The following PRMT2 variants were observed in gnomAD, a reference collection of about 807,000 sequenced individuals.
PRMT2 encodes protein arginine N-methyltransferase 2.
PRMT2 carries 26 observed loss-of-function variants against 57.6 expected under a neutral mutation model. The ratio of observed to expected loss-of-function variants is 0.45; its 90% confidence interval spans 0.33 to 0.63. PRMT2 has a LOEUF of 0.63. Among genes scored for constraint, PRMT2 ranks in the 20% least tolerant of loss-of-function variants. PRMT2 has a pLI of 0.02. For synonymous variants in PRMT2, 219 were observed against 220.0 expected (o/e 1.00, Z 0.04); for missense variants, 472 against 564.4 (o/e 0.84, Z 1.66).
intron 7 of PRMT2, chr21:46,653,490 C>T (rs2061492314): frequency 7.9e-6 from 8 of 1,010,498 alleles, no homozygotes; most frequent in Admixed American, 5.8e-5. Flanking sequence ...AGCGTAAACA[C>T]GGGCACTTTC....
At chr21:46,659,911 G>T (rs564957714) in intron 8 of PRMT2, 1 of 985,438 alleles carries the variant, frequency 1.0e-6, no homozygotes, top group African/African-American at 1.7e-5. Context: ...GTAAAGCTTG[G>T]CAGAATAAAC....
chr21:46,658,695 A>G (rs1414671218), intron 7 of PRMT2, 50 bp from the exon 8 acceptor site: 5 of 1,594,014 alleles, frequency 3.1e-6, no homozygotes, highest in Non-Finnish European at 4.3e-6. Context: ...AGGCCTGTGC[A>G]GCCGCGGGGC....
chr21:46,664,257 T>A, intron 11 of PRMT2, 38 bp from the exon 12 acceptor site: 1 of 1,456,380 alleles, frequency 6.9e-7, no homozygotes, highest in Non-Finnish European at 9.6e-7. Context: ...TCAAATGATT[T>A]ATCATCTGAT....
chr21:46,642,453 T>C (rs970294899), intron 3 of PRMT2, among the ~76,000 whole-genome samples: 2 of 152,378 alleles, frequency 1.3e-5, no homozygotes, highest in South Asian at 2.1e-4. Flanking sequence ...TTTGTACTTA[T>C]GTTACGTGTC....
At chr21:46,659,254 T>G (rs1223294907) in intron 8 of PRMT2, 5 of 1,049,142 alleles carry the variant, frequency 4.8e-6, no homozygotes, top group Non-Finnish European at 5.7e-6. Flanking sequence ...CGTGAAAACT[T>G]AATTCTGCAT....
chr21:46,643,361 G>C (rs180768520), intron 3 of PRMT2, 174 bp from the exon 4 acceptor site: 2 of 1,183,556 alleles, frequency 1.7e-6, no homozygotes, highest in Non-Finnish European at 2.1e-6. Flanking sequence ...GAAATGTAGA[G>C]TGAAGGTGAC....
At chr21:46,653,695 G>C in intron 7 of PRMT2, 2 of 1,257,048 alleles carry the variant, frequency 1.6e-6, no homozygotes, top group Non-Finnish European at 1.0e-6. Flanking sequence ...TTTCAGAGGT[G>C]CTAGTTCTGG....
intron 8 of PRMT2, 34 bp downstream of exon 8, chr21:46,658,954 G>C (rs1007198561): frequency 1.3e-6 from 2 of 1,594,740 alleles, no homozygotes; most frequent in Admixed American, 1.7e-5. Context: ...GCACCGTCTT[G>C]TGGGGCCTCC....
intron 7 of PRMT2, chr21:46,657,002 T>C (rs1374594909): frequency 6.6e-6 from 1 of 152,128 alleles, no homozygotes; most frequent in Non-Finnish European, 1.5e-5. Flanking sequence ...GCAAAATACT[T>C]GAACAGACAC....
chr21:46,652,863 T>G (rs1310582831), intron 7 of PRMT2: 1 of 1,300,448 alleles, frequency 7.7e-7, no homozygotes. Context: ...GGATCTTGCT[T>G]GTTCTCCTGA....
rs1403895345 is a variant in PRMT2 at position 46,651,663 on chromosome 21, G to A, written c.654+1924G>A. 3 of 906,422 alleles carry A rather than the reference G, an allele frequency of 3.3e-6. No individual in the cohort carries two copies. In the Admixed American group the frequency reaches 6.6e-5, roughly 20 times the overall value. The allele number at this position is 906,422 out of a possible 1,614,324, so 56.1% of individuals were successfully genotyped here. ...CCACCATCATTACTCAGGCCAAGGA[G>A]GCCCAGAACAGGGCAGACGGGGCTG... On this transcript the variant is annotated intron_variant, in intron 7 of 11. Coordinates refer to ENST00000355680, the MANE Select transcript of PRMT2 (RefSeq NM_206962.4).
intron 7 of PRMT2, among the ~76,000 whole-genome samples, chr21:46,650,651 T>C (rs1445416524): frequency 6.6e-6 from 1 of 152,184 alleles, no homozygotes; most frequent in Non-Finnish European, 1.5e-5. Flanking sequence ...ATTCAATAAG[T>C]ATCTGTTGAC....
In PRMT2 at chr21:46,658,816, C is replaced by T. The variant is rs1273415364; in HGVS notation, c.726C>T (p.Pro242=). Residue 242 remains proline, a synonymous_variant, in exon 8 of 12, where the codon CCC becomes CCT. Coordinates refer to ENST00000355680, the MANE Select transcript of PRMT2 (RefSeq NM_206962.4). ...AWLKEDGVIW[P]TMAALHLVPC... ...TGAAGGAGGACGGGGTCATTTGGCCCACCATGGCTGCGTTGCACCTTGTGC... is the reference window on the plus strand; with the variant it reads ...TGAAGGAGGACGGGGTCATTTGGCCTACCATGGCTGCGTTGCACCTTGTGC... The T allele has an allele frequency of 6.2e-7, 1 of 1,614,196 alleles. No homozygotes were observed. Among genetic ancestry groups the T allele is most frequent in the Admixed American group, 1.7e-5 (1 of 60,026 alleles).
chr21:46,643,315 T>C (rs573413944), intron 3 of PRMT2: 33 of 876,054 alleles, frequency 3.8e-5, no homozygotes, highest in Middle Eastern at 8.7e-4. Flanking sequence ...TTTGATGTTC[T>C]CTTTTAGGGT....
intron 7 of PRMT2, chr21:46,654,922 T>C (rs2061520102): frequency 8.1e-6 from 8 of 984,136 alleles, no homozygotes; most frequent in Admixed American, 6.2e-5. Flanking sequence ...TCTATGTATG[T>C]ACATAGAGTG....
At chr21:46,653,438 C>G (rs951882166) in intron 7 of PRMT2, 25 of 996,174 alleles carry the variant, frequency 2.5e-5, no homozygotes, top group Non-Finnish European at 1.4e-5. Context: ...CAGCAAGACT[C>G]TGGCCTAAAT....
chr21:46,664,317 T>C lies in PRMT2; in HGVS notation c.1292T>C (p.Ile431Thr). Residue 431 changes from isoleucine (I) to threonine (T), a missense_variant, in exon 12 of 12, where the codon ATC (isoleucine) becomes ACC (threonine). Physicochemically the swap from Ile to Thr is moderately conservative, Grantham distance 89 (BLOSUM62 -1). This residue lies in a region of PRMT2 where 229 missense variants were observed against 217.2 expected (regional missense o/e 1.05). Coordinates refer to ENST00000355680, the MANE Select transcript of PRMT2 (RefSeq NM_206962.4). ...CAGGTTGGAGAAAAAGTCTTCCCCA[T>C]CTGGAGATGACAGTTGATGCTTTAT... is the stretch of plus-strand genomic sequence containing the variant. ...SQKVGEKVFP[I>T]WR 6.2e-7 allele frequency: 1 copy of C among 1,614,010 alleles called. No homozygotes were observed. The highest frequency in any genetic ancestry group is 8.5e-7 in the Non-Finnish European group (1 of 1,179,864).
At chr21:46,641,195 A>C (rs2061267960) in intron 3 of PRMT2, among the ~76,000 whole-genome samples, 1 of 152,014 alleles carries the variant, frequency 6.6e-6, no homozygotes, top group African/African-American at 2.4e-5. Context: ...TCATCACATA[A>C]GCTTGTCTGT....
rs553582430 is a variant in PRMT2, at chr21:46,659,214, G to C, written c.830+294G>C. The C allele has an allele frequency of 2.6e-6, 3 of 1,143,432 alleles. No homozygotes were observed. In the Admixed American group the frequency reaches 1.4e-4, roughly 52 times the overall value. The allele number at this position is 1,143,432 out of a possible 1,614,324, so 70.8% of individuals were successfully genotyped here. A position where few individuals can be genotyped will look rare whatever the true frequency, so the allele number is the denominator to read the frequency against. On this transcript the variant is annotated intron_variant, in intron 8 of 11. Coordinates refer to ENST00000355680, the MANE Select transcript of PRMT2 (RefSeq NM_206962.4). ...CAAGTCAGCAAATTATTCTGGAGCA[G>C]TTGATTAGCCCTTGTTCTCTCACGC... is the stretch of plus-strand genomic sequence containing the variant.
Sources: allele counts gnomAD v4.1 joint callset (sites outside exome capture counted in the v4.1 genomes callset), GRCh38; gene constraint gnomAD v4.1.1; regional missense constraint gnomAD v4.1.1; transcripts MANE v1.5; gene names NCBI Gene and HGNC (gene_info 2026-07-23, HGNC 2026-07-21).